The following RUNX1T1 variants were observed in gnomAD, a reference collection of about 807,000 sequenced individuals.
RUNX1T1 encodes the protein protein CBFA2T1.
RUNX1T1 carries 4 observed loss-of-function variants against 62.8 expected under a neutral mutation model. That is an observed-to-expected ratio of 0.06 (90% CI 0.03 to 0.15). RUNX1T1 has a LOEUF of 0.15. Among genes scored for constraint, RUNX1T1 ranks in the 10% least tolerant of loss-of-function variants. The pLI, the probability that RUNX1T1 is intolerant of heterozygous loss-of-function variation, is 1.00. For synonymous variants in RUNX1T1, 291 were observed against 286.0 expected, an observed-to-expected ratio of 1.02 and a Z score of -0.18; for missense variants, 508 against 754.3, an observed-to-expected ratio of 0.67 and a Z score of 3.82.
chr8:92,015,391 A>C (rs1442266641), intron 2 of RUNX1T1, among the ~76,000 whole-genome samples: 1 of 152,160 alleles, frequency 6.6e-6, no homozygotes, highest in Admixed American at 6.5e-5. Flanking sequence ...CTTTAGGAAA[A>C]ATGCATATTT....
chr8:92,069,917 T>C (rs562919812), intron 2 of RUNX1T1, among the ~76,000 whole-genome samples: 30 of 152,348 alleles, frequency 2.0e-4, no homozygotes, highest in Non-Finnish European at 4.1e-4. Context: ...TACCTAAATG[T>C]CCTTTTTTCA....
At position 91,970,534 on chromosome 8, in the gene RUNX1T1, TTTCCCCACACTG is replaced by T. The variant is rs1415036455; in HGVS notation, c.1458+112_1458+123del. 3.7e-6 allele frequency: 3 copies of T among 821,538 alleles called. No homozygotes were observed. In the Admixed American group the frequency reaches 1.2e-4, roughly 32 times the overall value. The allele number at this position is 821,538 out of a possible 1,614,324, so 50.9% of individuals were successfully genotyped here. A position where few individuals can be genotyped will look rare whatever the true frequency, so the allele number is the denominator to read the frequency against. On this transcript the variant is annotated intron_variant, in intron 10 of 10. Coordinates refer to ENST00000396218, the Ensembl canonical transcript of RUNX1T1. Reference sequence around the variant, plus strand: ...TGGCAAATTTCATGAATACCTTGACTTTCCCCACACTGTTCTAAATTTTTTTCCAAATATTTA... The same window carrying T: ...TGGCAAATTTCATGAATACCTTGACTTTCTAAATTTTTTTCCAAATATTTA...
intron 1 of RUNX1T1, among the ~76,000 whole-genome samples, chr8:92,038,263 A>G (rs1827793932): frequency 6.6e-6 from 1 of 152,170 alleles, no homozygotes; most frequent in South Asian, 2.1e-4. Flanking sequence ...TCTCTCTCCC[A>G]GAGCACTGTT....
intron 1 of RUNX1T1, among the ~76,000 whole-genome samples, chr8:92,045,433 A>G (rs754620779): frequency 8.5e-5 from 13 of 152,128 alleles, no homozygotes; most frequent in Admixed American, 1.3e-4. Context: ...AATTCAACCT[A>G]TCAGTGAGAT....
intron 1 of RUNX1T1, among the ~76,000 whole-genome samples, chr8:92,032,616 T>C (rs1177252798): frequency 2.0e-5 from 3 of 152,184 alleles, no homozygotes; most frequent in South Asian, 2.1e-4. Flanking sequence ...AGCCTTAATA[T>C]AGAAATAGTT....
chr8:92,019,137 C>T (rs1387113716), intron 1 of RUNX1T1: 1 of 152,216 alleles, frequency 6.6e-6, no homozygotes, highest in Non-Finnish European at 1.5e-5. Flanking sequence ...CCTCAACCAA[C>T]CTCAGCAACA....
At chr8:92,094,925 G>C (rs993774803) in intron 1 of RUNX1T1, 1 of 819,614 alleles carries the variant, frequency 1.2e-6, no homozygotes. Flanking sequence ...TCAGCGTCCA[G>C]TCAATAAATA....
intron 6 of RUNX1T1, among the ~76,000 whole-genome samples, chr8:91,990,882 T>C (rs561812732): frequency 6.6e-6 from 1 of 152,256 alleles, no homozygotes; most frequent in South Asian, 2.1e-4. Flanking sequence ...GGTCTCAAAC[T>C]TCTGAGCTCA....
chr8:92,059,424 T>C (rs1831551706), intron 1 of RUNX1T1, among the ~76,000 whole-genome samples: 1 of 152,192 alleles, frequency 6.6e-6, no homozygotes, highest in South Asian at 2.1e-4. Flanking sequence ...AAATCATCGC[T>C]TGCAAGCATT....
chr8:92,069,073 G>T (rs1342955327), intron 2 of RUNX1T1, among the ~76,000 whole-genome samples: 3 of 151,692 alleles, frequency 2.0e-5, no homozygotes, highest in East Asian at 3.9e-4. Context: ...TTCTGATAAT[G>T]TCTATTCTTA....
At chr8:92,005,482 C>T in intron 4 of RUNX1T1, 185 bp from the exon 6 acceptor site, 1 of 561,138 alleles carries the variant, frequency 1.8e-6, no homozygotes, top group Non-Finnish European at 3.1e-6. Context: ...GCAGATTGCC[C>T]TAAGTGTGAG....
At chr8:92,012,568 T>G (rs1055770049) in intron 3 of RUNX1T1, among the ~76,000 whole-genome samples, 1 of 151,992 alleles carries the variant, frequency 6.6e-6, no homozygotes, top group African/African-American at 2.4e-5. Context: ...TAAAAAAAAA[T>G]GTTTAAAAGA....
intron 1 of RUNX1T1, among the ~76,000 whole-genome samples, chr8:92,042,310 A>ACTGGATTTCTT (rs1299211958): frequency 3.3e-5 from 5 of 152,024 alleles, no homozygotes; most frequent in Non-Finnish European, 7.4e-5. Flanking sequence ...TGGGCAAATT[A>ACTGGATTTCTT]CTGGATTTCT....
chr8:92,102,148 T>G (rs1395361301), upstream of RUNX1T1, among the ~76,000 whole-genome samples: 1 of 152,012 alleles, frequency 6.6e-6, no homozygotes, highest in Non-Finnish European at 1.5e-5. The surrounding 1 kb of genome is among the most constrained non-coding windows in gnomAD (Gnocchi z 4.5). Flanking sequence ...GGGACGACTC[T>G]CCCCATCGGC....
At chr8:92,097,576 CT>C (rs1229938417) in intron 1 of RUNX1T1, among the ~76,000 whole-genome samples, 1 of 152,130 alleles carries the variant, frequency 6.6e-6, no homozygotes, top group Non-Finnish European at 1.5e-5. Context: ...AAGTGCCCCC[CT>C]GATTTTTCCA....
chr8:91,991,316 T>G (rs1354233287), intron 6 of RUNX1T1, among the ~76,000 whole-genome samples: 1 of 152,116 alleles, frequency 6.6e-6, no homozygotes, highest in Non-Finnish European at 1.5e-5. Flanking sequence ...AGTCTCATGT[T>G]GAAAGAGAAT....
exon 11 of RUNX1T1, chr8:91,960,226 A>G: frequency 6.2e-7 from 1 of 1,602,818 alleles, no homozygotes. Context: ...TTCCTCCGAC[A>G]GTTCTGAGTT....
intron 1 of RUNX1T1, among the ~76,000 whole-genome samples, chr8:92,037,347 C>T (rs1827614557): frequency 6.6e-6 from 1 of 152,184 alleles, no homozygotes; most frequent in African/African-American, 2.4e-5. Context: ...TCAGTAACAG[C>T]TGCATTTCCA....
rs561413115 is a variant in RUNX1T1 at position 92,031,577 on chromosome 8, T to A, written c.8-14214A>T. 3.3e-5 allele frequency among the ~76,000 whole-genome samples: 5 copies of A among 152,250 alleles called. No homozygotes were observed. In the South Asian group the frequency reaches 1.0e-3, roughly 32 times the overall value. ...GCCTTGACCTCATGGGCTCTAGCGA[T>A]CCTCCTTTAGCCTCTGGAGTAGCTG... On this transcript the variant is annotated intron_variant, in intron 1 of 10. Coordinates refer to ENST00000396218, the Ensembl canonical transcript of RUNX1T1.
Sources: allele counts gnomAD v4.1 joint callset (sites outside exome capture counted in the v4.1 genomes callset), GRCh38; gene constraint gnomAD v4.1.1; non-coding constraint Gnocchi (gnomAD v3.1); transcripts MANE v1.5; gene names NCBI Gene and HGNC (gene_info 2026-07-23, HGNC 2026-07-21).